The following ATP8B4 variants were observed in gnomAD, a reference collection of about 807,000 sequenced individuals.
The protein encoded by ATP8B4 is ATPase phospholipid transporting 8B4 (putative), also known as probable phospholipid-transporting ATPase IM.
Under a neutral mutation model 145.6 loss-of-function variants are expected in ATP8B4, and 133 were observed. That is an observed-to-expected ratio of 0.91 (90% CI 0.79 to 1.05). The LOEUF (loss-of-function observed/expected upper bound fraction) is 1.05. Ranked by LOEUF, ATP8B4 falls within the 50% of genes least tolerant of loss-of-function variation. ATP8B4 has a pLI of 0.00. For missense variants in ATP8B4, 1,458 were observed against 1,425.2 expected, an observed-to-expected ratio of 1.02 and a Z score of -0.37; for synonymous variants, 507 against 492.9, an observed-to-expected ratio of 1.03 and a Z score of -0.38.
intron 2 of ATP8B4, among the ~76,000 whole-genome samples, chr15:50,082,958 G>A (rs762775962): frequency 2.6e-5 from 4 of 152,142 alleles, no homozygotes; most frequent in Admixed American, 6.5e-5. Flanking sequence ...AAAGAAACTC[G>A]GAGGAGATTC....
chr15:49,948,169 T>C (rs891602493), intron 14 of ATP8B4, among the ~76,000 whole-genome samples: 1 of 151,580 alleles, frequency 6.6e-6, no homozygotes, highest in African/African-American at 2.4e-5. Flanking sequence ...CTGGGCGCAA[T>C]GGCTTATGCC....
chr15:50,146,402 T>C (rs2044277854), intron 1 of ATP8B4, among the ~76,000 whole-genome samples: 1 of 152,192 alleles, frequency 6.6e-6, no homozygotes, highest in African/African-American at 2.4e-5. Context: ...ATGTATCATA[T>C]AAAAAATGTA....
intron 14 of ATP8B4, among the ~76,000 whole-genome samples, chr15:49,961,089 C>T (rs1019790907): frequency 3.3e-5 from 5 of 151,482 alleles, no homozygotes; most frequent in East Asian, 1.9e-4. Context: ...GCCGAGATTG[C>T]GCCACTGCGC....
chr15:50,065,633 T>C (rs2053330971), intron 3 of ATP8B4, among the ~76,000 whole-genome samples: 1 of 152,176 alleles, frequency 6.6e-6, no homozygotes, highest in Non-Finnish European at 1.5e-5. Context: ...TTCTATGTAA[T>C]CTTTTCATTT....
intron 3 of ATP8B4, among the ~76,000 whole-genome samples, chr15:50,048,759 G>A (rs1465961051): frequency 1.3e-5 from 2 of 151,232 alleles, no homozygotes; most frequent in East Asian, 3.9e-4. Flanking sequence ...AGAGAAACCT[G>A]GCACCACAAG....
chr15:50,023,779 C>CAAAAAAAAAAAAAAAAGA (rs2049778895), intron 6 of ATP8B4, among the ~76,000 whole-genome samples: 15 of 75,040 alleles, frequency 2.0e-4, no homozygotes, highest in South Asian at 9.3e-4. Flanking sequence ...AGACCAAAGG[C>CAAAAAAAAAAAAAAAAGA]AAAAAAAAAA....
At chr15:50,096,902 G>A (rs2056025957) in intron 2 of ATP8B4, among the ~76,000 whole-genome samples, 1 of 152,154 alleles carries the variant, frequency 6.6e-6, no homozygotes, top group Non-Finnish European at 1.5e-5. Flanking sequence ...CCAAAGTTAT[G>A]AGAGGGCTTT....
intron 1 of ATP8B4, among the ~76,000 whole-genome samples, chr15:50,111,309 C>T (rs982688324): frequency 7.9e-5 from 12 of 152,238 alleles, no homozygotes; most frequent in African/African-American, 2.7e-4. Context: ...TGCTTTCCCA[C>T]AGAAGCCTGC....
At chr15:50,141,475 C>T (rs2044208546) in intron 1 of ATP8B4, among the ~76,000 whole-genome samples, 1 of 152,046 alleles carries the variant, frequency 6.6e-6, no homozygotes, top group Admixed American at 6.6e-5. Flanking sequence ...CTTAGAAATA[C>T]AATCCAATTA....
At chr15:49,915,249 TA>T (rs1401655742) in intron 20 of ATP8B4, among the ~76,000 whole-genome samples, 3 of 152,034 alleles carry the variant, frequency 2.0e-5, no homozygotes, top group East Asian at 1.9e-4. Flanking sequence ...ATGCGAAAAC[TA>T]AAAAAGTTGA....
In ATP8B4 at chr15:49,931,316, T is replaced by C. The variant is rs1295675922; in HGVS notation, c.1454-9A>G. The C allele has an allele frequency of 6.2e-7, 1 of 1,609,512 alleles. No homozygotes were observed. The highest frequency in any genetic ancestry group is 1.7e-5 in the Admixed American group (1 of 59,532). On this transcript the variant is annotated splice_polypyrimidine_tract_variant and intron_variant, in intron 15 of 27. Transcript: ENST00000284509. ...TTGGTAAATCAGCTCTCCTAAAAGG[T>C]AAAGAAACAAGTGTATCAATACTGA...
chr15:49,965,656 G>A (rs555789234), intron 13 of ATP8B4, among the ~76,000 whole-genome samples: 5 of 152,266 alleles, frequency 3.3e-5, no homozygotes, highest in African/African-American at 9.6e-5. Context: ...CCCCGTAAAT[G>A]AATAGTAGAT....
chr15:49,950,794 G>T (rs1256937767), intron 14 of ATP8B4, among the ~76,000 whole-genome samples: 1 of 151,958 alleles, frequency 6.6e-6, no homozygotes, highest in East Asian at 1.9e-4. Flanking sequence ...GTAATGTTAG[G>T]GTGTTGATTT....
chr15:50,157,922 T>C (rs1595656607), intron 1 of ATP8B4, among the ~76,000 whole-genome samples: 1 of 151,968 alleles, frequency 6.6e-6, no homozygotes, highest in Admixed American at 6.6e-5. Flanking sequence ...GCCTGACTGG[T>C]TTTCGTATTT....
At chr15:49,924,254 C>T (rs2040514308) in intron 16 of ATP8B4, among the ~76,000 whole-genome samples, 2 of 152,222 alleles carry the variant, frequency 1.3e-5, no homozygotes, top group South Asian at 4.2e-4. Context: ...CCACAGAACA[C>T]TTGGCCTAAC....
At chr15:49,943,489 T>A (rs551197190) in intron 14 of ATP8B4, among the ~76,000 whole-genome samples, 33 of 152,184 alleles carry the variant, frequency 2.2e-4, no homozygotes, top group African/African-American at 7.5e-4. Flanking sequence ...CAACTCATCA[T>A]GTACAAGGGA....
chr15:50,030,224 C>A (rs2153591117), intron 6 of ATP8B4, among the ~76,000 whole-genome samples: 1 of 151,912 alleles, frequency 6.6e-6, no homozygotes, highest in Admixed American at 6.5e-5. Flanking sequence ...GATCTCCTCC[C>A]AATAACAACT....
chr15:49,910,102 A>T (rs2039074316), intron 20 of ATP8B4, among the ~76,000 whole-genome samples: 1 of 152,226 alleles, frequency 6.6e-6, no homozygotes, highest in Non-Finnish European at 1.5e-5. Flanking sequence ...AAGAAATGAA[A>T]AAAACAATTC....
At chr15:49,924,034 G>A (rs1302303868) in intron 16 of ATP8B4, among the ~76,000 whole-genome samples, 1 of 151,800 alleles carries the variant, frequency 6.6e-6, no homozygotes, top group Non-Finnish European at 1.5e-5. Flanking sequence ...GTTCGTTCCT[G>A]GGTAACAATT....
Sources: gnomAD v4.1 joint callset for allele counts (sites outside exome capture counted in the v4.1 genomes callset) on GRCh38, gnomAD v4.1.1 for gene constraint, MANE v1.5 for transcripts, NCBI Gene and HGNC (gene_info 2026-07-23, HGNC 2026-07-21) for gene names.